The following NLK variants were observed in gnomAD, a reference collection of about 807,000 sequenced individuals.
The protein encoded by NLK is nemo like kinase.
A neutral mutation model predicts 59.0 loss-of-function variants in NLK; 11 were observed. The observed-to-expected ratio is 0.19, with a 90% CI of 0.12 to 0.31. NLK has a LOEUF of 0.31. Among genes scored for constraint, NLK ranks in the 10% least tolerant of loss-of-function variants. The probability of loss-of-function intolerance (pLI) is 1.00; values close to 1 mark genes in which losing one functional copy is unlikely to be tolerated. For missense variants in NLK, 410 were observed against 661.1 expected, an observed-to-expected ratio of 0.62 and a Z score of 4.16; for synonymous variants, 235 against 235.9, an observed-to-expected ratio of 1.00 and a Z score of 0.03.
intron 1 of NLK, among the ~76,000 whole-genome samples, chr17:28,121,424 A>G (rs921777132): frequency 6.6e-6 from 1 of 150,664 alleles, no homozygotes; most frequent in Non-Finnish European, 1.5e-5. Context: ...TAATTCATGG[A>G]AAGTCAGTTT....
intron 1 of NLK, among the ~76,000 whole-genome samples, chr17:28,079,881 T>C (rs1180719883): frequency 6.6e-6 from 1 of 152,240 alleles, no homozygotes; most frequent in Non-Finnish European, 1.5e-5. Context: ...ATCCAAGAAA[T>C]AATTGCCAAA....
intron 1 of NLK, among the ~76,000 whole-genome samples, chr17:28,080,287 A>C (rs114964589): frequency 0.038 from 5,804 of 152,090 alleles, 256 homozygotes; most frequent in East Asian, 0.24. Context: ...CCCTATCTCT[A>C]CAAAAAATTA....
intron 1 of NLK, chr17:28,048,933 G>A (rs941557233): frequency 3.9e-5 from 6 of 152,190 alleles, no homozygotes; most frequent in Non-Finnish European, 5.9e-5. Context: ...TTAATTATGC[G>A]TCTCTTTGGG....
intron 1 of NLK, among the ~76,000 whole-genome samples, chr17:28,053,849 G>T (rs1909347504): frequency 6.6e-6 from 1 of 152,078 alleles, no homozygotes; most frequent in African/African-American, 2.4e-5. Flanking sequence ...TTTGCAAATT[G>T]TGTAAGTTAA....
chr17:28,204,602 T>C, the NLK span, among the ~76,000 whole-genome samples: 1 of 152,218 alleles, frequency 6.6e-6, no homozygotes, highest in African/African-American at 2.4e-5. Flanking sequence ...TATCACACAT[T>C]ATTCTAGGCA....
intron 1 of NLK, among the ~76,000 whole-genome samples, chr17:28,111,888 GTGTGTGTGGTGTGTGTGTGTGTGTGTGT>G (rs1346222934): frequency 1.6e-5 from 2 of 121,262 alleles, no homozygotes; most frequent in African/African-American, 6.5e-5. Flanking sequence ...GTGTGTGTGT[GTGTGTGTGGTGTGTGTGTGTGTGTGTGT>G]GTGTGTGTGT....
intron 3 of NLK, among the ~76,000 whole-genome samples, chr17:28,140,925 T>C (rs1906963583): frequency 2.0e-5 from 3 of 152,194 alleles, no homozygotes; most frequent in Admixed American, 1.3e-4. Context: ...ATAAGTATAT[T>C]TTCAATATCT....
At chr17:28,144,741 A>G (rs1043618945) in intron 3 of NLK, among the ~76,000 whole-genome samples, 6 of 152,332 alleles carry the variant, frequency 3.9e-5, no homozygotes, top group Admixed American at 1.3e-4. Flanking sequence ...TTTATTTTTT[A>G]AGATTGCTAG....
chr17:28,086,945 G>A (rs1268929072), intron 1 of NLK, among the ~76,000 whole-genome samples: 1 of 151,666 alleles, frequency 6.6e-6, no homozygotes, highest in Non-Finnish European at 1.5e-5. Flanking sequence ...CTACTCTGGA[G>A]GCTGAGGTAA....
intron 1 of NLK, among the ~76,000 whole-genome samples, chr17:28,111,896 G>GTGGT (rs1394476582): frequency 0.017 from 1,129 of 67,422 alleles, 32 homozygotes; most frequent in East Asian, 0.037. Flanking sequence ...GTGTGTGTGT[G>GTGGT]GTGTGTGTGT....
chr17:28,191,040 A>G lies in NLK; in HGVS notation c.1256A>G (p.Lys419Arg). The change falls in exon 9 of 11, where the codon AAG becomes AGG. Residue 419 changes from lysine (K) to arginine (R), a missense_variant. By Grantham distance (26) the Lys-to-Arg change is conservative (BLOSUM62 2). Coordinates refer to ENST00000407008, the MANE Select transcript of NLK (RefSeq NM_016231.5). The part of the protein sequence containing the change: ...VFDPSKRISA[K>R]DALAHPYLDE... ...TTTCAGTCCAAAAGAATATCCGCTA[A>G]GGATGCCTTAGCCCACCCCTACCTA... 1 of 1,602,764 alleles carries G rather than the reference A, an allele frequency of 6.2e-7. No individual in the cohort carries two copies. Among genetic ancestry groups the G allele is most frequent in the Admixed American group, 1.8e-5 (1 of 56,748 alleles).
rs2142074550 is a variant in NLK, at chr17:28,192,106, T to C, written c.1436-14T>C. The C allele has an allele frequency of 2.6e-6, 4 of 1,536,856 alleles. No homozygotes were observed. The East Asian group carries it at 9.0e-5, about 35-fold the overall frequency. ...AAATTGTCATGGATTGTATGATGTT[T>C]GTTTTCTCCACAGAAATTATTCATC... On this transcript the variant is annotated splice_polypyrimidine_tract_variant and intron_variant, in intron 9 of 10. Coordinates refer to ENST00000407008, the MANE Select transcript of NLK (RefSeq NM_016231.5).
At chr17:28,078,252 G>A (rs946144502) in intron 1 of NLK, among the ~76,000 whole-genome samples, 3 of 151,740 alleles carry the variant, frequency 2.0e-5, no homozygotes, top group African/African-American at 2.4e-5. Flanking sequence ...TTATCAGAAG[G>A]TTTCCTGAAA....
intron 2 of NLK, among the ~76,000 whole-genome samples, chr17:28,126,681 ATTTT>A (rs1293238378): frequency 2.0e-5 from 3 of 152,174 alleles, no homozygotes; most frequent in Non-Finnish European, 2.9e-5. Context: ...ACCTGACTGA[ATTTT>A]TACACACATA....
At chr17:28,150,995 A>G (rs935262730) in intron 3 of NLK, among the ~76,000 whole-genome samples, 2 of 152,196 alleles carry the variant, frequency 1.3e-5, no homozygotes, top group Non-Finnish European at 2.9e-5. Flanking sequence ...TGGCTGTCCC[A>G]TTTAGAAAGA....
At chr17:28,162,958 A>G (rs764395351) in intron 4 of NLK, among the ~76,000 whole-genome samples, 10 of 152,144 alleles carry the variant, frequency 6.6e-5, no homozygotes, top group Non-Finnish European at 1.5e-4. Flanking sequence ...AACGCACACA[A>G]AAAGGACTCA....
chr17:28,163,525 ATC>A lies in NLK; in HGVS notation c.752-16_752-15del, dbSNP rs543611625. 3 of 1,465,876 alleles carry A rather than the reference ATC, an allele frequency of 2.0e-6. No homozygotes were observed. The highest frequency in any genetic ancestry group is 2.4e-5 in the South Asian group (2 of 83,066). 90.8% of individuals were successfully genotyped at this position (1,465,876 alleles called of 1,614,324 possible). A position where few individuals can be genotyped will look rare whatever the true frequency, so the allele number is the denominator to read the frequency against. ...AAAGGAATTAAATATCTGCAATTAA[ATC>A]TGTTTGTTATTTCAGGTTTGAAATA... is the stretch of plus-strand genomic sequence containing the variant. On this transcript the variant is annotated splice_polypyrimidine_tract_variant and intron_variant, in intron 4 of 10. Transcript: ENST00000407008.
chr17:28,156,514 C>G (rs1188262957), intron 3 of NLK, among the ~76,000 whole-genome samples: 8 of 152,116 alleles, frequency 5.3e-5, no homozygotes, highest in Admixed American at 5.2e-4. Context: ...TCTTGAGTCT[C>G]TTATCCCAAA....
intron 1 of NLK, among the ~76,000 whole-genome samples, chr17:28,089,883 T>A (rs1362995835): frequency 6.6e-6 from 1 of 152,192 alleles, no homozygotes; most frequent in Non-Finnish European, 1.5e-5. Context: ...TTAAAAAAAA[T>A]TGTGTGTGTA....
Sources: gnomAD v4.1 joint callset for allele counts (sites outside exome capture counted in the v4.1 genomes callset) on GRCh38, gnomAD v4.1.1 for gene constraint, MANE v1.5 for transcripts, NCBI Gene and HGNC (gene_info 2026-07-23, HGNC 2026-07-21) for gene names.